Variants in ELP3 observed in about 807,000 individuals in gnomAD.
ELP3 encodes the protein elongator complex protein 3.
A neutral mutation model predicts 74.9 loss-of-function variants in ELP3; 56 were observed. The ratio of observed to expected loss-of-function variants is 0.75; its 90% CI spans 0.60 to 0.93. The LOEUF (loss-of-function observed/expected upper bound fraction) is 0.93, where lower values mean the gene tolerates loss of function less well. Among genes scored for constraint, ELP3 ranks in the 40% least tolerant of loss-of-function variants. The probability of loss-of-function intolerance (pLI) is 0.00; values close to 1 mark genes in which losing one functional copy is unlikely to be tolerated. For synonymous variants in ELP3, 222 were observed against 239.8 expected (o/e 0.93, Z 0.68); for missense variants, 573 against 686.5 (o/e 0.83, Z 1.85).
intron 10 of ELP3, among the ~76,000 whole-genome samples, chr8:28,145,876 G>A (rs1456506096): frequency 3.9e-5 from 6 of 152,068 alleles, no homozygotes; most frequent in Non-Finnish European, 7.4e-5. Flanking sequence ...CACCTGCCTC[G>A]GCCACCCAAA....
chr8:28,158,712 A>G, intron 12 of ELP3, 79 bp downstream of exon 12: 1 of 1,146,364 alleles, frequency 8.7e-7, no homozygotes, highest in Non-Finnish European at 1.3e-6. Flanking sequence ...ATTCTTAACC[A>G]AGGACAGAGC....
intron 7 of ELP3, 130 bp downstream of exon 7, chr8:28,113,303 A>G (rs1811993904): frequency 1.6e-6 from 1 of 640,266 alleles, no homozygotes; most frequent in Non-Finnish European, 2.4e-6. Flanking sequence ...GTTTCATGGG[A>G]AAGGATTATT....
In ELP3 at chr8:28,093,168, T is replaced by G. The variant is rs772027581; in HGVS notation, c.-47T>G. ...GTCAGCTTTCCCCGTGGTCTGAGTT[T>G]GTGGCTGCATTTTTATCTCTGGTGG... is the stretch of plus-strand genomic sequence containing the variant. On this transcript the variant is annotated 5_prime_UTR_variant, in exon 1 of 15. Transcript: ENST00000256398. 1 of 1,608,314 alleles carries G rather than the reference T, an allele frequency of 6.2e-7. No homozygotes were observed. Among genetic ancestry groups the G allele is most frequent in the Admixed American group, 1.7e-5 (1 of 58,488 alleles).
rs537486752 is a variant in ELP3, at chr8:28,151,271, G to T, written c.1101-4671G>T. Among the ~76,000 whole-genome samples the T allele has an allele frequency of 9.2e-4, 138 of 150,692 alleles. 4 individuals carry two copies. Among genetic ancestry groups the T allele is most frequent in the East Asian group, 7.5e-3 (38 of 5,070 alleles). On this transcript the variant is annotated intron_variant, in intron 10 of 14. Transcript: ENST00000256398. ...TTTATTTCTGTTTCGGTGATTTTTT[G>T]ATCTCTAGCATTTCTTTTTAGTGTT...
upstream of ELP3, among the ~76,000 whole-genome samples, chr8:28,092,511 T>C (rs1298500383): frequency 2.0e-5 from 3 of 152,170 alleles, no homozygotes; most frequent in East Asian, 1.9e-4. Flanking sequence ...GTGCTAGTAT[T>C]ACATGTGTGA....
chr8:28,150,831 G>C (rs189219886), intron 10 of ELP3, among the ~76,000 whole-genome samples: 8 of 151,918 alleles, frequency 5.3e-5, no homozygotes, highest in African/African-American at 1.2e-4. Context: ...TCTCTTTCTG[G>C]TGTTCTTATT....
rs889488162 is a variant in ELP3, at chr8:28,190,962, C to T, written c.*1237C>T. 6.6e-6 allele frequency: 1 copy of T among 152,206 alleles called. No homozygotes were observed. Among genetic ancestry groups the T allele is most frequent in the Non-Finnish European group, 1.5e-5 (1 of 68,040 alleles). 9.4% of individuals were successfully genotyped at this position (152,206 alleles called of 1,614,324 possible). A position where few individuals can be genotyped will look rare whatever the true frequency, so the allele number is the denominator to read the frequency against. On this transcript the variant is annotated 3_prime_UTR_variant, in exon 15 of 15. Coordinates refer to ENST00000256398, the MANE Select transcript of ELP3 (RefSeq NM_018091.6). ...AAACAATGGAAAACAGGATTGGCTT[C>T]TTCAAAGGCTCCTCTTGTAGAACTG... is the stretch of plus-strand genomic sequence containing the variant.
chr8:28,142,390 C>T (rs556834948), intron 10 of ELP3, among the ~76,000 whole-genome samples: 1 of 152,300 alleles, frequency 6.6e-6, no homozygotes, highest in East Asian at 1.9e-4. Context: ...CCAACTGTCA[C>T]ATATGTTTCT....
intron 7 of ELP3, among the ~76,000 whole-genome samples, chr8:28,121,440 C>T (rs931325058): frequency 9.9e-5 from 15 of 151,710 alleles, no homozygotes; most frequent in African/African-American, 3.6e-4. Context: ...CTGCCTCAGC[C>T]TCCCGAGTAG....
At chr8:28,121,318 A>ATT (rs202018975) in intron 7 of ELP3, among the ~76,000 whole-genome samples, 2 of 146,572 alleles carry the variant, frequency 1.4e-5, no homozygotes, top group Non-Finnish European at 3.0e-5. Flanking sequence ...TATTATTATT[A>ATT]TTATTATTTT....
intron 9 of ELP3, among the ~76,000 whole-genome samples, chr8:28,135,998 G>C (rs1812975197): frequency 7.1e-6 from 1 of 141,698 alleles, no homozygotes; most frequent in Admixed American, 7.4e-5. Flanking sequence ...GTCTCGCTCT[G>C]TCACCCAGGC....
chr8:28,120,728 T>C (rs922425743), intron 7 of ELP3, among the ~76,000 whole-genome samples: 5 of 152,194 alleles, frequency 3.3e-5, no homozygotes, highest in Non-Finnish European at 5.9e-5. Context: ...ATGTGTAATA[T>C]GAGGTGGGGA....
At chr8:28,132,619 A>G (rs973480754) in intron 9 of ELP3, among the ~76,000 whole-genome samples, 2 of 152,206 alleles carry the variant, frequency 1.3e-5, no homozygotes, top group Non-Finnish European at 2.9e-5. Flanking sequence ...AGATTTTTCT[A>G]TGCATAGGTT....
chr8:28,115,580 G>A (rs1812097189), intron 7 of ELP3, among the ~76,000 whole-genome samples: 1 of 152,160 alleles, frequency 6.6e-6, no homozygotes, highest in African/African-American at 2.4e-5. Context: ...CACTTATTTA[G>A]TACTCATAGT....
intron 3 of ELP3, among the ~76,000 whole-genome samples, chr8:28,102,418 G>A (rs971520944): frequency 1.3e-5 from 2 of 152,104 alleles, no homozygotes; most frequent in Admixed American, 1.3e-4. Flanking sequence ...TTCTTGTTTA[G>A]ATTATTTCAG....
chr8:28,110,201 G>A (rs923083240), intron 5 of ELP3, among the ~76,000 whole-genome samples, 169 bp from the exon 6 acceptor site: 5 of 152,160 alleles, frequency 3.3e-5, no homozygotes, highest in Non-Finnish European at 7.3e-5. Context: ...TGCCAGATGC[G>A]ATTCAGGACA....
rs1170470988 is a variant in ELP3, at chr8:28,099,852, A to G, written c.144A>G (p.Lys48=). Residue 48 remains lysine (K), a synonymous_variant, in exon 3 of 15, where the codon AAA becomes AAG. Coordinates refer to ENST00000256398, the MANE Select transcript of ELP3 (RefSeq NM_018091.6). The part of the protein sequence containing the change: ...LNKVKTKTAA[K]YGLSAQPRLV... Reference sequence around the variant, plus strand: ...GGGTGAAAACCAAGACAGCTGCCAAATATGGCCTTTCTGCCCAGCCCCGCC... The same window carrying G: ...GGGTGAAAACCAAGACAGCTGCCAAGTATGGCCTTTCTGCCCAGCCCCGCC... 5 of 1,614,248 alleles carry G rather than the reference A, an allele frequency of 3.1e-6. No homozygotes were observed. In the South Asian group the frequency reaches 5.5e-5, roughly 18 times the overall value.
intron 10 of ELP3, among the ~76,000 whole-genome samples, chr8:28,146,682 C>T (rs1181116936): frequency 2.0e-5 from 3 of 152,192 alleles, no homozygotes; most frequent in African/African-American, 7.2e-5. Context: ...TTGCTTACTG[C>T]AGTACTCTGT....
At chr8:28,107,112 G>C (rs957130545) in intron 4 of ELP3, among the ~76,000 whole-genome samples, 2 of 152,176 alleles carry the variant, frequency 1.3e-5, no homozygotes, top group Non-Finnish European at 2.9e-5. Flanking sequence ...GCCGAGCGTG[G>C]TGGCATGCGC....
Sources: allele counts gnomAD v4.1 joint callset (sites outside exome capture counted in the v4.1 genomes callset), GRCh38; gene constraint gnomAD v4.1.1; transcripts MANE v1.5; gene names NCBI Gene and HGNC (gene_info 2026-07-23, HGNC 2026-07-21).